Variants in KCNN2 observed in about 807,000 individuals in gnomAD.
KCNN2 encodes potassium calcium-activated channel subfamily N member 2, also known as small conductance calcium-activated potassium channel protein 2.
Under a neutral mutation model 55.5 loss-of-function variants are expected in KCNN2, and 24 were observed. That is an observed-to-expected ratio of 0.43 (90% CI 0.31 to 0.61). KCNN2 has a LOEUF of 0.61. Ranked by LOEUF, KCNN2 falls within the 20% of genes least tolerant of loss-of-function variation. The pLI is 0.08. For synonymous variants in KCNN2, 431 were observed against 336.1 expected (o/e 1.28, Z -3.09); for missense variants, 754 against 853.6 (o/e 0.88, Z 1.45).
chr5:114,431,102 A>G (rs1159997339), intron 3 of KCNN2, among the ~76,000 whole-genome samples: 4 of 152,098 alleles, frequency 2.6e-5, no homozygotes, highest in African/African-American at 9.7e-5. Flanking sequence ...GCTTTATACA[A>G]TGAGTTAGAA....
chr5:114,269,022 G>A (rs1356049198), intron 2 of KCNN2, among the ~76,000 whole-genome samples: 1 of 151,838 alleles, frequency 6.6e-6, no homozygotes, highest in African/African-American at 2.4e-5. Context: ...TTCAAATCAT[G>A]AGCTCATCCA....
chr5:114,362,448 C>T lies in KCNN2; in HGVS notation c.309C>T (p.Thr103=). The part of the protein sequence containing the change: ...SSPGGAFRTR[T]SSPLSGSSCC... Reference sequence around the variant, plus strand: ...CCGGCGGCGCCTTCCGGACCCGCACCTCCTCGCCGCTGTCGGGCTCGTCCT... The same window carrying T: ...CCGGCGGCGCCTTCCGGACCCGCACTTCCTCGCCGCTGTCGGGCTCGTCCT... The change falls in exon 1 of 8, where the codon ACC becomes ACT. Residue 103 remains threonine, a synonymous_variant. Transcript: ENST00000673685. 2.6e-6 allele frequency: 1 copy of T among 391,132 alleles called. No homozygotes were observed. The highest frequency in any genetic ancestry group is 4.5e-6 in the Non-Finnish European group (1 of 219,832). The allele number at this position is 391,132 out of a possible 1,614,324, so 24.2% of individuals were successfully genotyped here.
intron 1 of KCNN2, among the ~76,000 whole-genome samples, chr5:114,171,598 G>C (rs1369008071): frequency 6.6e-6 from 1 of 151,660 alleles, no homozygotes; most frequent in Non-Finnish European, 1.5e-5. Flanking sequence ...GCATACACTA[G>C]TCCCTCGTTA....
intron 2 of KCNN2, among the ~76,000 whole-genome samples, chr5:114,397,598 G>C (rs950899898): frequency 1.8e-4 from 28 of 152,246 alleles, no homozygotes; most frequent in African/African-American, 6.7e-4. Context: ...TATTGGCCAG[G>C]CTGGTCTTGA....
intron 3 of KCNN2, among the ~76,000 whole-genome samples, chr5:114,462,660 C>G (rs1415425959): frequency 1.3e-5 from 2 of 152,166 alleles, no homozygotes; most frequent in Non-Finnish European, 2.9e-5. Flanking sequence ...CATCATAATT[C>G]ATTTTGGTTA....
At chr5:114,257,878 T>C (rs1446453074) in intron 2 of KCNN2, among the ~76,000 whole-genome samples, 1 of 152,238 alleles carries the variant, frequency 6.6e-6, no homozygotes, top group Non-Finnish European at 1.5e-5. Context: ...TCTAGTACTC[T>C]GTTGAATAGG....
intron 2 of KCNN2, among the ~76,000 whole-genome samples, chr5:114,399,318 G>A (rs1275106158): frequency 1.1e-4 from 16 of 151,974 alleles, no homozygotes; most frequent in Non-Finnish European, 2.4e-4. Flanking sequence ...GTTCAGGGTA[G>A]TATGGCCATA....
chr5:114,243,766 C>G, intron 2 of KCNN2, among the ~76,000 whole-genome samples: 1 of 152,150 alleles, frequency 6.6e-6, no homozygotes, highest in East Asian at 1.9e-4. Flanking sequence ...TAGTCATCCA[C>G]TAGGGATTTT....
At chr5:114,196,404 GT>G in intron 1 of KCNN2, among the ~76,000 whole-genome samples, 1 of 151,948 alleles carries the variant, frequency 6.6e-6, no homozygotes, top group South Asian at 2.1e-4. Context: ...CCCATCTTCT[GT>G]TTTTTGGAAG....
At chr5:114,488,351 T>C (rs1416498534) in intron 6 of KCNN2, among the ~76,000 whole-genome samples, 2 of 152,160 alleles carry the variant, frequency 1.3e-5, no homozygotes, top group African/African-American at 2.4e-5. Flanking sequence ...TTTCCTAAGA[T>C]AGTGATGCTA....
intron 5 of KCNN2, among the ~76,000 whole-genome samples, chr5:114,482,322 T>TGA (rs2150133115): frequency 6.6e-6 from 1 of 152,218 alleles, no homozygotes; most frequent in South Asian, 2.1e-4. Context: ...GAAACCACAA[T>TGA]GAGATACCAT....
chr5:114,348,675 T>C (rs908698370), intron 2 of KCNN2, among the ~76,000 whole-genome samples: 1 of 152,192 alleles, frequency 6.6e-6, no homozygotes, highest in African/African-American at 2.4e-5. Flanking sequence ...TATTTGGATT[T>C]ACAAACTCTG....
intron 1 of KCNN2, among the ~76,000 whole-genome samples, chr5:114,163,020 G>A (rs891326259): frequency 6.6e-6 from 1 of 152,116 alleles, no homozygotes; most frequent in Non-Finnish European, 1.5e-5. Flanking sequence ...TGCACCCACT[G>A]TCTGGCAATC....
intron 2 of KCNN2, among the ~76,000 whole-genome samples, chr5:114,341,186 T>G (rs1391198774): frequency 2.0e-5 from 3 of 152,200 alleles, no homozygotes; most frequent in African/African-American, 7.2e-5. Flanking sequence ...TGACTCTATA[T>G]GTTAGTTTAA....
At chr5:114,379,749 ATAT>A (rs1326315231) in intron 2 of KCNN2, among the ~76,000 whole-genome samples, 2 of 123,836 alleles carry the variant, frequency 1.6e-5, no homozygotes, top group African/African-American at 3.6e-5. Flanking sequence ...ATTATATAAC[ATAT>A]TATATATTTA....
At chr5:114,422,312 C>T (rs1479550968) in intron 3 of KCNN2, among the ~76,000 whole-genome samples, 1 of 151,936 alleles carries the variant, frequency 6.6e-6, no homozygotes, top group Non-Finnish European at 1.5e-5. Flanking sequence ...AGGGTGGAGC[C>T]CTCATGAATG....
At chr5:114,357,172 AC>A (rs1757310270), upstream of KCNN2, among the ~76,000 whole-genome samples, 2 of 152,108 alleles carry the variant, frequency 1.3e-5, no homozygotes, top group African/African-American at 4.8e-5. Flanking sequence ...AGTCAAGAGA[AC>A]CCTGCTTTTT....
At chr5:114,129,354 T>C (rs1316393684) in intron 1 of KCNN2, among the ~76,000 whole-genome samples, 1 of 152,178 alleles carries the variant, frequency 6.6e-6, no homozygotes, top group Admixed American at 6.5e-5. Flanking sequence ...AAAAATTTCT[T>C]CTGCTACCTT....
At chr5:114,231,601 G>C (rs1159925236) in intron 2 of KCNN2, among the ~76,000 whole-genome samples, 1 of 151,088 alleles carries the variant, frequency 6.6e-6, no homozygotes, top group African/African-American at 2.5e-5. Flanking sequence ...GATCATTTAT[G>C]CTGATAGTGA....
Sources: allele counts gnomAD v4.1 joint callset (sites outside exome capture counted in the v4.1 genomes callset), GRCh38; gene constraint gnomAD v4.1.1; transcripts MANE v1.5; gene names NCBI Gene and HGNC (gene_info 2026-07-23, HGNC 2026-07-21).